Variants in PLEKHA8 observed in about 807,000 individuals in gnomAD.
PLEKHA8 encodes the protein pleckstrin homology domain containing A8, also known as pleckstrin homology domain-containing family A member 8.
A neutral mutation model predicts 68.2 loss-of-function variants in PLEKHA8; 36 were observed. The ratio of observed to expected loss-of-function variants is 0.53; its 90% confidence interval spans 0.40 to 0.70. The LOEUF (loss-of-function observed/expected upper bound fraction) is 0.70. Ranked by LOEUF, PLEKHA8 falls within the 30% of genes least tolerant of loss-of-function variation. The pLI is 0.00. For missense variants in PLEKHA8, 505 were observed against 615.4 expected, an observed-to-expected ratio of 0.82 and a Z score of 1.90; for synonymous variants, 211 against 216.1, an observed-to-expected ratio of 0.98 and a Z score of 0.20.
At chr7:30,128,769 A>G (rs759129694) in intron 13 of PLEKHA8, among the ~76,000 whole-genome samples, 6 of 152,212 alleles carry the variant, frequency 3.9e-5, no homozygotes, top group Non-Finnish European at 5.9e-5. Context: ...CTGTACAAGA[A>G]GCATGGCACC....
intron 13 of PLEKHA8, among the ~76,000 whole-genome samples, chr7:30,114,963 C>G (rs1477940574): frequency 1.3e-5 from 2 of 152,038 alleles, no homozygotes; most frequent in Non-Finnish European, 2.9e-5. Context: ...TTTTTTGTCT[C>G]TCCGTGCCAG....
At chr7:30,073,053 GTTCTTGGGATTT>G (rs1369286451) in intron 12 of PLEKHA8, among the ~76,000 whole-genome samples, 5 of 152,098 alleles carry the variant, frequency 3.3e-5, no homozygotes, top group African/African-American at 1.2e-4. Context: ...CATCCATCTG[GTTCTTGGGATTT>G]TTTTCATAAT....
chr7:30,123,476 G>C (rs1217558248), intron 13 of PLEKHA8, among the ~76,000 whole-genome samples: 5 of 152,192 alleles, frequency 3.3e-5, no homozygotes, highest in African/African-American at 1.2e-4. Flanking sequence ...CAAACACAGT[G>C]GGGGGCTGAG....
chr7:30,078,053 G>A (rs781566591), intron 13 of PLEKHA8, among the ~76,000 whole-genome samples: 29 of 152,154 alleles, frequency 1.9e-4, no homozygotes, highest in African/African-American at 1.4e-4. Flanking sequence ...AAGCATCAGC[G>A]CACAAGCAAA....
chr7:30,089,968 TA>T (rs1260127488), intron 12 of PLEKHA8, among the ~76,000 whole-genome samples: 2 of 152,198 alleles, frequency 1.3e-5, no homozygotes, highest in African/African-American at 4.8e-5. Flanking sequence ...TGAAGAATTT[TA>T]AAAACAGGGA....
At chr7:30,124,078 G>A (rs1362374085) in intron 13 of PLEKHA8, among the ~76,000 whole-genome samples, 1 of 152,212 alleles carries the variant, frequency 6.6e-6, no homozygotes, top group Non-Finnish European at 1.5e-5. Flanking sequence ...TAAACTAGGA[G>A]CAGTAGTGAC....
chr7:30,028,766 G>A lies in PLEKHA8; in HGVS notation c.4G>A (p.Glu2Lys). 1 of 1,270,300 alleles carries A rather than the reference G, an allele frequency of 7.9e-7. No homozygotes were observed. Among genetic ancestry groups the A allele is most frequent in the Non-Finnish European group, 1.0e-6 (1 of 1,002,064 alleles). 78.7% of individuals were successfully genotyped at this position (1,270,300 alleles called of 1,614,324 possible). A position where few individuals can be genotyped will look rare whatever the true frequency, so the allele number is the denominator to read the frequency against. Residue 2 changes from glutamate to lysine, a missense_variant, in exon 1 of 14, where the codon GAG becomes AAG. By Grantham distance (56) the Glu-to-Lys change is moderately conservative. Coordinates refer to ENST00000449726, the MANE Select transcript of PLEKHA8 (RefSeq NM_001197026.2). ...GGGCCGAGTGGCCGCGGGCGCCATG[G>A]AGGGGGTGCTGTACAAGTGGACCAA... M[E>K]GVLYKWTNYL...
At chr7:30,066,520 T>C (rs1409988234) in intron 12 of PLEKHA8, among the ~76,000 whole-genome samples, 2 of 152,154 alleles carry the variant, frequency 1.3e-5, no homozygotes, top group Non-Finnish European at 2.9e-5. Flanking sequence ...TGTGTTCCCT[T>C]AGTGTCCTAA....
chr7:30,065,167 G>A (rs1033705557), intron 12 of PLEKHA8, among the ~76,000 whole-genome samples: 6 of 152,138 alleles, frequency 3.9e-5, no homozygotes, highest in African/African-American at 1.4e-4. Context: ...GCTGCTTTGT[G>A]ACTGCAATAA....
intron 4 of PLEKHA8, 171 bp from the exon 5 acceptor site, chr7:30,049,053 A>G (rs1051798498): frequency 5.4e-6 from 4 of 743,830 alleles, no homozygotes; most frequent in Non-Finnish European, 8.8e-6. Context: ...AATAGTGCTG[A>G]TAGTTACTTG....
At chr7:30,065,264 A>G (rs1205404940) in intron 12 of PLEKHA8, among the ~76,000 whole-genome samples, 1 of 152,092 alleles carries the variant, frequency 6.6e-6, no homozygotes, top group Non-Finnish European at 1.5e-5. Flanking sequence ...TAAATTTGAC[A>G]TTTTTGTCCT....
chr7:30,128,091 ATTTTTT>A (rs35173428), intron 13 of PLEKHA8, among the ~76,000 whole-genome samples: 3 of 122,720 alleles, frequency 2.4e-5, no homozygotes, highest in African/African-American at 9.2e-5. Flanking sequence ...GTTTTACTGT[ATTTTTT>A]TTTTTTTTTT....
Position 30,050,339 on chromosome 7 carries a change from A to G in PLEKHA8, c.598-95A>G, listed in dbSNP as rs1792305873. 9.7e-6 allele frequency: 14 copies of G among 1,450,522 alleles called. No homozygotes were observed. In the East Asian group the frequency reaches 3.6e-4, roughly 37 times the overall value. 89.9% of individuals were successfully genotyped at this position (1,450,522 alleles called of 1,614,324 possible). ...TGGGGCTAGTGTATTTTATGGTCATATGGTCATATTTACCATTTTGTATGT... is the reference window on the plus strand; with the variant it reads ...TGGGGCTAGTGTATTTTATGGTCATGTGGTCATATTTACCATTTTGTATGT... On this transcript the variant is annotated intron_variant, in intron 5 of 13. Coordinates refer to ENST00000449726, the MANE Select transcript of PLEKHA8 (RefSeq NM_001197026.2).
At chr7:30,052,062 G>A (rs1418031723) in intron 6 of PLEKHA8, among the ~76,000 whole-genome samples, 2 of 152,160 alleles carry the variant, frequency 1.3e-5, no homozygotes, top group Non-Finnish European at 2.9e-5. Flanking sequence ...AAGCCCCCCA[G>A]GGAGAAGTTG....
chr7:30,036,407 AATAG>A (rs55904639), intron 1 of PLEKHA8, among the ~76,000 whole-genome samples: 49,166 of 143,008 alleles, frequency 0.34, 8,546 homozygotes, highest in Middle Eastern at 0.37. Context: ...GATAGGATAG[AATAG>A]ATAGATAGAT....
intron 12 of PLEKHA8, among the ~76,000 whole-genome samples, chr7:30,067,589 A>G (rs1295420504): frequency 6.6e-6 from 1 of 152,248 alleles, no homozygotes; most frequent in East Asian, 1.9e-4. Flanking sequence ...CGTGACTCCC[A>G]TCGTTTTCCA....
chr7:30,078,565 A>T, intron 13 of PLEKHA8, 25 bp from the exon 14 acceptor site: 2 of 1,612,056 alleles, frequency 1.2e-6, no homozygotes, highest in Middle Eastern at 1.7e-4. Context: ...CTTGATGCAG[A>T]TTCTCATGGG....
chr7:30,100,557 A>T (rs1583468901), intron 13 of PLEKHA8, among the ~76,000 whole-genome samples: 1 of 151,990 alleles, frequency 6.6e-6, no homozygotes, highest in Admixed American at 6.5e-5. Context: ...TCTCAAAAAA[A>T]TTAATTAATT....
At chr7:30,117,990 G>C (rs561154712) in intron 13 of PLEKHA8, 7 of 1,531,282 alleles carry the variant, frequency 4.6e-6, no homozygotes, top group Non-Finnish European at 6.1e-6. Context: ...ATGTCTGATG[G>C]TGGCCCAGGA....
Sources: allele counts gnomAD v4.1 joint callset (sites outside exome capture counted in the v4.1 genomes callset), GRCh38; gene constraint gnomAD v4.1.1; transcripts MANE v1.5; gene names NCBI Gene and HGNC (gene_info 2026-07-23, HGNC 2026-07-21).